SUGCT: variants seen among roughly 807,000 people sequenced by gnomAD.
SUGCT encodes succinyl-CoA:glutarate CoA-transferase.
A neutral mutation model predicts 55.0 loss-of-function variants in SUGCT; 41 were observed. The ratio of observed to expected loss-of-function variants is 0.74; its 90% CI spans 0.58 to 0.97. SUGCT has a LOEUF of 0.97. SUGCT is among the 50% of genes least tolerant of loss of function. The pLI is 0.00. For synonymous variants in SUGCT, 187 were observed against 200.4 expected (o/e 0.93, Z 0.56); for missense variants, 568 against 547.8 (o/e 1.04, Z -0.37).
intron 9 of SUGCT, among the ~76,000 whole-genome samples, chr7:40,413,908 C>T (rs1210297385): frequency 6.6e-6 from 1 of 152,070 alleles, no homozygotes; most frequent in Non-Finnish European, 1.5e-5. Flanking sequence ...GATAATAATA[C>T]TAGTTCAGGA....
intron 8 of SUGCT, among the ~76,000 whole-genome samples, chr7:40,302,088 C>G (rs1584624613): frequency 6.6e-6 from 1 of 152,156 alleles, no homozygotes; most frequent in Non-Finnish European, 1.5e-5. Context: ...TGCCAAACTT[C>G]ATATGTTATT....
At chr7:40,694,088 C>T (rs1029256075) in intron 12 of SUGCT, among the ~76,000 whole-genome samples, 2 of 152,156 alleles carry the variant, frequency 1.3e-5, no homozygotes, top group Admixed American at 1.3e-4. Flanking sequence ...AGCTATTGTC[C>T]TTAAAAGGGA....
intron 12 of SUGCT, among the ~76,000 whole-genome samples, chr7:40,687,055 A>G (rs1004368754): frequency 4.6e-5 from 7 of 151,988 alleles, no homozygotes; most frequent in African/African-American, 1.4e-4. Flanking sequence ...TTTTTTTCCC[A>G]TCTTCTAAGT....
intron 12 of SUGCT, among the ~76,000 whole-genome samples, chr7:40,667,715 A>T (rs1801721835): frequency 6.6e-6 from 1 of 151,468 alleles, no homozygotes; most frequent in Non-Finnish European, 1.5e-5. Flanking sequence ...TTTCCTCTAG[A>T]TTTTTTAGTT....
chr7:40,527,060 T>C (rs1583900942), intron 12 of SUGCT, among the ~76,000 whole-genome samples: 1 of 152,242 alleles, frequency 6.6e-6, no homozygotes, highest in Non-Finnish European at 1.5e-5. Flanking sequence ...AACATACTTA[T>C]TGTAAGCACA....
intron 12 of SUGCT, among the ~76,000 whole-genome samples, chr7:40,522,303 G>A (rs992971824): frequency 2.0e-5 from 3 of 152,014 alleles, no homozygotes; most frequent in Middle Eastern, 3.2e-3. Flanking sequence ...TGGGCAACCC[G>A]TCCTCCTTAG....
At chr7:40,905,724 T>C in the SUGCT span, among the ~76,000 whole-genome samples, 1 of 151,928 alleles carries the variant, frequency 6.6e-6, no homozygotes, top group African/African-American at 2.4e-5. Flanking sequence ...TTCTTTTTTT[T>C]TTTTCTTTAG....
At chr7:40,351,029 G>C (rs1797606417) in intron 9 of SUGCT, among the ~76,000 whole-genome samples, 1 of 151,962 alleles carries the variant, frequency 6.6e-6, no homozygotes, top group Non-Finnish European at 1.5e-5. Flanking sequence ...TCTTTATCCT[G>C]TCTATCATTG....
intron 1 of SUGCT, among the ~76,000 whole-genome samples, chr7:40,164,791 T>C (rs888359162): frequency 1.3e-5 from 2 of 152,206 alleles, no homozygotes; most frequent in Non-Finnish European, 2.9e-5. Context: ...ATGAACAGAA[T>C]TGAAGCCTCC....
At chr7:40,243,371 G>A (rs957074661) in intron 7 of SUGCT, among the ~76,000 whole-genome samples, 1 of 151,998 alleles carries the variant, frequency 6.6e-6, no homozygotes, top group African/African-American at 2.4e-5. Context: ...AAGTTACTCT[G>A]TAAGGAATTT....
intron 13 of SUGCT, among the ~76,000 whole-genome samples, chr7:40,788,125 A>G (rs1331675686): frequency 1.3e-5 from 2 of 152,072 alleles, no homozygotes; most frequent in African/African-American, 4.8e-5. Context: ...CTGAAGTTCC[A>G]CCCCTGCCCA....
At chr7:40,657,051 T>C (rs531633966) in intron 12 of SUGCT, among the ~76,000 whole-genome samples, 1 of 152,224 alleles carries the variant, frequency 6.6e-6, no homozygotes, top group Non-Finnish European at 1.5e-5. Context: ...TTTTTGTGAC[T>C]CCACCTGCTG....
intron 13 of SUGCT, among the ~76,000 whole-genome samples, chr7:40,753,782 G>A (rs560876390): frequency 3.9e-4 from 60 of 152,208 alleles, no homozygotes; most frequent in African/African-American, 1.2e-3. Context: ...TGGTCAACTC[G>A]TGTTTAATAT....
At chr7:40,413,460 T>C (rs1416720404) in intron 9 of SUGCT, among the ~76,000 whole-genome samples, 4 of 152,176 alleles carry the variant, frequency 2.6e-5, no homozygotes, top group Non-Finnish European at 4.4e-5. Flanking sequence ...GATTTAAATG[T>C]TAAAAAAATC....
At chr7:40,605,581 G>A (rs1798487720) in intron 12 of SUGCT, among the ~76,000 whole-genome samples, 1 of 152,160 alleles carries the variant, frequency 6.6e-6, no homozygotes, top group Admixed American at 6.5e-5. Flanking sequence ...GTGTAGGGCT[G>A]TAGAGAGCAG....
intron 7 of SUGCT, among the ~76,000 whole-genome samples, chr7:40,248,114 C>T (rs371374870): frequency 4.6e-5 from 7 of 150,870 alleles, no homozygotes; most frequent in East Asian, 1.9e-4. Context: ...TGGGTTCAAG[C>T]GATTCTTCTG....
At chr7:41,031,145 A>G in the SUGCT span, among the ~76,000 whole-genome samples, 6 of 152,240 alleles carry the variant, frequency 3.9e-5, no homozygotes, top group South Asian at 1.2e-3. Context: ...AATTTTGTGT[A>G]GAGATGGGGC....
At chr7:40,955,963 T>A in the SUGCT span, among the ~76,000 whole-genome samples, 1 of 152,326 alleles carries the variant, frequency 6.6e-6, no homozygotes, top group East Asian at 1.9e-4. Flanking sequence ...CAGCCTTGTA[T>A]CACAGGGATG....
chr7:40,802,592 C>T lies in SUGCT; in HGVS notation c.1153+53095C>T, dbSNP rs147834498. On this transcript the variant is annotated intron_variant, in intron 13 of 13. Coordinates refer to ENST00000335693, the MANE Select transcript of SUGCT (RefSeq NM_001193313.2). ...AAGCCTAGTGATTGCAAGTAGTGAG[C>T]GGTAGAACTGAAACCCAATGGAGAT... is the stretch of plus-strand genomic sequence containing the variant. Among the ~76,000 whole-genome samples the T allele has an allele frequency of 2.9e-3, 447 of 152,230 alleles. 1 individual carries two copies. Among genetic ancestry groups the T allele is most frequent in the Admixed American group, 6.6e-3 (101 of 15,266 alleles).
Sources: gnomAD v4.1 joint callset for allele counts (sites outside exome capture counted in the v4.1 genomes callset) on GRCh38, gnomAD v4.1.1 for gene constraint, MANE v1.5 for transcripts, NCBI Gene and HGNC (gene_info 2026-07-23, HGNC 2026-07-21) for gene names.